The following PPP1R9A variants were observed in gnomAD, a reference collection of about 807,000 sequenced individuals.
PPP1R9A encodes protein phosphatase 1 regulatory subunit 9A.
PPP1R9A carries 59 observed loss-of-function variants against 141.9 expected under a neutral mutation model. The observed-to-expected ratio is 0.42, with a 90% CI of 0.34 to 0.52. PPP1R9A has a LOEUF of 0.52. Ranked by LOEUF, PPP1R9A falls within the 20% of genes least tolerant of loss-of-function variation. The probability of loss-of-function intolerance (pLI) is 0.10; values close to 1 mark genes in which losing one functional copy is unlikely to be tolerated. For synonymous variants in PPP1R9A, 500 were observed against 569.7 expected (o/e 0.88, Z 1.74); for missense variants, 1,444 against 1,611.9 (o/e 0.90, Z 1.78).
intron 2 of PPP1R9A, among the ~76,000 whole-genome samples, chr7:94,939,323 G>C (rs895069824): frequency 6.6e-6 from 1 of 152,134 alleles, no homozygotes; most frequent in East Asian, 1.9e-4. Flanking sequence ...ATTGTTGATA[G>C]ATATTATTAT....
rs1188988678 is a variant in PPP1R9A at position 95,292,317 on chromosome 7, A to G, written c.*2014A>G. 4 of 152,634 alleles carry G rather than the reference A, an allele frequency of 2.6e-5. No homozygotes were observed. The highest frequency in any genetic ancestry group is 7.2e-5 in the African/African-American group (3 of 41,456). The allele number at this position is 152,634 out of a possible 1,614,324, so 9.5% of individuals were successfully genotyped here. On this transcript the variant is annotated 3_prime_UTR_variant, in exon 20 of 20. Transcript: ENST00000433360. ...ATACTAAAACACTAAATTAGTAAAAATCTGGTAATATTAGTGCTTGCTATT... is the reference window on the plus strand; with the variant it reads ...ATACTAAAACACTAAATTAGTAAAAGTCTGGTAATATTAGTGCTTGCTATT...
intron 2 of PPP1R9A, among the ~76,000 whole-genome samples, chr7:94,956,965 C>T (rs1001640031): frequency 3.9e-5 from 6 of 151,994 alleles, no homozygotes; most frequent in African/African-American, 1.2e-4. Context: ...TATAAATGTA[C>T]GTGATCAGTT....
At chr7:95,170,423 T>G (rs1177848211) in intron 5 of PPP1R9A, among the ~76,000 whole-genome samples, 1 of 151,518 alleles carries the variant, frequency 6.6e-6, no homozygotes, top group African/African-American at 2.4e-5. Flanking sequence ...TGATGAAAAC[T>G]ACATGAAGAG....
At chr7:94,948,907 C>T (rs1796167657) in intron 2 of PPP1R9A, among the ~76,000 whole-genome samples, 2 of 152,158 alleles carry the variant, frequency 1.3e-5, no homozygotes, top group South Asian at 4.1e-4. Flanking sequence ...GGGTATATAT[C>T]ACTACGCCAA....
chr7:95,098,670 C>T (rs948046322), intron 2 of PPP1R9A, among the ~76,000 whole-genome samples: 4 of 152,118 alleles, frequency 2.6e-5, no homozygotes, highest in Non-Finnish European at 4.4e-5. Context: ...CACTTTAGCC[C>T]GCAGTTGTTT....
At chr7:95,194,474 A>G (rs1285980779) in intron 5 of PPP1R9A, among the ~76,000 whole-genome samples, 3 of 152,074 alleles carry the variant, frequency 2.0e-5, no homozygotes, top group Non-Finnish European at 2.9e-5. Context: ...GCATTAAGGC[A>G]GTAAATACAT....
intron 10 of PPP1R9A, among the ~76,000 whole-genome samples, chr7:95,250,506 G>A (rs1002265120): frequency 5.9e-5 from 9 of 151,982 alleles, no homozygotes; most frequent in African/African-American, 1.9e-4. Context: ...ATAATTAATC[G>A]TTGTTTATAA....
intron 2 of PPP1R9A, among the ~76,000 whole-genome samples, chr7:95,063,759 A>C (rs929324451): frequency 2.6e-5 from 4 of 152,190 alleles, no homozygotes; most frequent in Admixed American, 6.5e-5. Context: ...GATTCTCATC[A>C]GGAGAGTTGC....
intron 2 of PPP1R9A, among the ~76,000 whole-genome samples, chr7:95,045,408 T>G (rs551856736): frequency 2.8e-4 from 42 of 152,312 alleles, no homozygotes; most frequent in Non-Finnish European, 4.9e-4. Flanking sequence ...TCTCTTAGGG[T>G]GGGCTGCCCG....
chr7:95,264,032 C>T (rs1800862328), intron 12 of PPP1R9A, among the ~76,000 whole-genome samples: 1 of 152,142 alleles, frequency 6.6e-6, no homozygotes, highest in Non-Finnish European at 1.5e-5. Flanking sequence ...TTTAATGGGA[C>T]AGCCGCTTGT....
At chr7:95,018,212 A>G in intron 2 of PPP1R9A, 1 of 227,670 alleles carries the variant, frequency 4.4e-6, no homozygotes, top group African/African-American at 2.3e-5. Context: ...GATGAACATG[A>G]TAGACAGACT....
At chr7:94,927,169 G>C (rs983339179) in intron 2 of PPP1R9A, among the ~76,000 whole-genome samples, 2 of 151,818 alleles carry the variant, frequency 1.3e-5, no homozygotes, top group Admixed American at 1.3e-4. Context: ...TTTTTGGGGG[G>C]GTTATGTATG....
chr7:95,244,368 C>T (rs1285929409), intron 8 of PPP1R9A, among the ~76,000 whole-genome samples: 1 of 152,098 alleles, frequency 6.6e-6, no homozygotes, highest in Non-Finnish European at 1.5e-5. Context: ...AATATTGGCT[C>T]AGGACAAGAA....
chr7:95,064,856 A>T (rs548986083), intron 2 of PPP1R9A, among the ~76,000 whole-genome samples: 1 of 152,310 alleles, frequency 6.6e-6, no homozygotes, highest in Non-Finnish European at 1.5e-5. Flanking sequence ...TATTAAAATG[A>T]CTTTACTGTA....
chr7:95,201,593 G>T lies in PPP1R9A; in HGVS notation c.1891-2072G>T, dbSNP rs138010516. 7.7e-3 allele frequency among the ~76,000 whole-genome samples: 1,166 copies of T among 152,154 alleles called. 28 individuals carry two copies. Among genetic ancestry groups the T allele is most frequent in the Admixed American group, 0.041 (622 of 15,282 alleles). ...TTTCCCTATTTTCTATTTACTCTCT[G>T]TCTTTCTTTGTGAATGAAGAATAAA... On this transcript the variant is annotated intron_variant, in intron 6 of 19. Transcript: ENST00000433360.
intron 2 of PPP1R9A, among the ~76,000 whole-genome samples, chr7:95,065,944 A>G (rs1226926847): frequency 6.6e-6 from 1 of 152,192 alleles, no homozygotes; most frequent in Non-Finnish European, 1.5e-5. Flanking sequence ...CATCCTACAA[A>G]GAGATTCACT....
intron 2 of PPP1R9A, among the ~76,000 whole-genome samples, chr7:95,064,789 C>T (rs1812727619): frequency 6.6e-6 from 1 of 152,158 alleles, no homozygotes; most frequent in Admixed American, 6.5e-5. Context: ...CCTGTGTAGT[C>T]ACTTAAATGC....
chr7:95,132,652 G>A (rs755565888), intron 4 of PPP1R9A, among the ~76,000 whole-genome samples: 8 of 152,064 alleles, frequency 5.3e-5, no homozygotes, highest in Non-Finnish European at 8.8e-5. Context: ...CTCTGCGGCC[G>A]ATGTCTCTTT....
At chr7:95,112,692 C>T (rs1412547248) in intron 3 of PPP1R9A, among the ~76,000 whole-genome samples, 1 of 152,102 alleles carries the variant, frequency 6.6e-6, no homozygotes, top group Non-Finnish European at 1.5e-5. Flanking sequence ...CAATAGATGA[C>T]TGGATAAAGA....
Sources: gnomAD v4.1 joint callset for allele counts (sites outside exome capture counted in the v4.1 genomes callset) on GRCh38, gnomAD v4.1.1 for gene constraint, MANE v1.5 for transcripts, NCBI Gene and HGNC (gene_info 2026-07-23, HGNC 2026-07-21) for gene names.